Variants in UNC5B observed in about 807,000 individuals in gnomAD.
The protein encoded by UNC5B is unc-5 netrin receptor B, also known as netrin receptor UNC5B.
UNC5B carries 56 observed loss-of-function variants against 103.7 expected under a neutral mutation model. The observed-to-expected ratio is 0.54, with a 90% CI of 0.44 to 0.67. UNC5B has a LOEUF of 0.67. UNC5B is among the 30% of genes least tolerant of loss of function. The pLI, the probability that UNC5B is intolerant of heterozygous loss-of-function variation, is 0.00. For synonymous variants in UNC5B, 577 were observed against 542.0 expected (o/e 1.06, Z -0.90); for missense variants, 1,194 against 1,284.5 (o/e 0.93, Z 1.08).
chr10:71,253,962 A>G (rs1162784444), intron 1 of UNC5B, among the ~76,000 whole-genome samples: 1 of 151,850 alleles, frequency 6.6e-6, no homozygotes, highest in Admixed American at 6.6e-5. Context: ...TATCATGTCA[A>G]CTCCATCAAC....
intron 10 of UNC5B, 135 bp downstream of exon 10, chr10:71,291,956 G>A: frequency 7.5e-7 from 1 of 1,330,120 alleles, no homozygotes; most frequent in South Asian, 1.5e-5. Flanking sequence ...CTGAAGGCAG[G>A]AAGTGAGTAT....
Position 71,286,673 on chromosome 10 carries a change from A to AC in UNC5B, c.553-11dup, listed in dbSNP as rs1486013331. On this transcript the variant is annotated splice_polypyrimidine_tract_variant and intron_variant, in intron 4 of 16. Transcript: ENST00000335350. ...TGTCCTGGGCCCTCACTGCCCCCTC[A>AC]CCCCCACTCTTGCAGGTGGAATGGC... 1.2e-6 allele frequency: 2 copies of AC among 1,612,722 alleles called. No individual in the cohort carries two copies. The highest frequency in any genetic ancestry group is 1.7e-6 in the Non-Finnish European group (2 of 1,179,488).
intron 10 of UNC5B, among the ~76,000 whole-genome samples, chr10:71,292,246 T>C (rs989942197): frequency 2.0e-5 from 3 of 152,114 alleles, no homozygotes; most frequent in Non-Finnish European, 4.4e-5. Context: ...CCAGACACCA[T>C]AGCAATGTCA....
intron 1 of UNC5B, among the ~76,000 whole-genome samples, chr10:71,240,500 G>A (rs551208546): frequency 6.6e-6 from 1 of 152,368 alleles, no homozygotes; most frequent in African/African-American, 2.4e-5. Context: ...GGCCAGCAGG[G>A]TGGACACGGG....
intron 1 of UNC5B, among the ~76,000 whole-genome samples, chr10:71,248,867 T>TCACA (rs56852987): frequency 3.8e-4 from 10 of 26,604 alleles, no homozygotes; most frequent in East Asian, 3.4e-3. Flanking sequence ...TCTCTCTCTC[T>TCACA]CACACACACA....
At chr10:71,254,587 G>A in intron 1 of UNC5B, among the ~76,000 whole-genome samples, 1 of 152,270 alleles carries the variant, frequency 6.6e-6, no homozygotes, top group Middle Eastern at 3.4e-3. Context: ...AGGCTGGGTT[G>A]GGGGGAGGGA....
At chr10:71,267,862 A>G (rs1482609585) in intron 1 of UNC5B, among the ~76,000 whole-genome samples, 2 of 152,242 alleles carry the variant, frequency 1.3e-5, no homozygotes, top group Non-Finnish European at 2.9e-5. Context: ...CACTGGGACC[A>G]GAGAGGCAAA....
intron 1 of UNC5B, among the ~76,000 whole-genome samples, chr10:71,258,331 C>T (rs936347098): frequency 6.6e-6 from 1 of 152,208 alleles, no homozygotes; most frequent in Non-Finnish European, 1.5e-5. Context: ...TGTATTGCCT[C>T]AGGCTTGTCT....
intron 5 of UNC5B, 79 bp downstream of exon 5, chr10:71,286,948 G>T: frequency 2.6e-6 from 4 of 1,545,764 alleles, no homozygotes; most frequent in Non-Finnish European, 2.6e-6. Flanking sequence ...GGGACCCCTG[G>T]ATTGGTAGGG....
At chr10:71,232,760 T>C (rs1056011299) in intron 1 of UNC5B, among the ~76,000 whole-genome samples, 2 of 152,236 alleles carry the variant, frequency 1.3e-5, no homozygotes, top group Admixed American at 6.5e-5. Flanking sequence ...CAGTCCCCCA[T>C]GGCCATGCTG....
intron 1 of UNC5B, among the ~76,000 whole-genome samples, chr10:71,262,311 G>A (rs555691767): frequency 8.6e-4 from 131 of 152,122 alleles, no homozygotes; most frequent in Non-Finnish European, 1.4e-3. Flanking sequence ...GTCCGGGCTG[G>A]AGTGGGTTGG....
intron 1 of UNC5B, among the ~76,000 whole-genome samples, chr10:71,272,781 G>A (rs1844677201): frequency 1.3e-5 from 2 of 152,232 alleles, no homozygotes; most frequent in Non-Finnish European, 2.9e-5. Flanking sequence ...GATGGTGCCA[G>A]GCCAAGGAAA....
intron 1 of UNC5B, among the ~76,000 whole-genome samples, chr10:71,249,080 C>T (rs1359429970): frequency 6.6e-6 from 1 of 152,186 alleles, no homozygotes; most frequent in Non-Finnish European, 1.5e-5. Flanking sequence ...TCAGATGTCC[C>T]ATTCTGTGTC....
chr10:71,248,503 G>A (rs977302901), intron 1 of UNC5B, among the ~76,000 whole-genome samples: 2 of 152,140 alleles, frequency 1.3e-5, no homozygotes, highest in African/African-American at 2.4e-5. Flanking sequence ...ATTCCTGACA[G>A]CCTGTTGAAT....
chr10:71,288,503 GCACA>G, intron 6 of UNC5B, 61 bp from the exon 7 acceptor site: 1 of 1,566,022 alleles, frequency 6.4e-7, no homozygotes, highest in South Asian at 1.2e-5. Context: ...GCTCTGTTCT[GCACA>G]CATAACTATG....
intron 1 of UNC5B, among the ~76,000 whole-genome samples, chr10:71,240,272 A>C (rs1843869243): frequency 6.6e-6 from 1 of 152,230 alleles, no homozygotes; most frequent in South Asian, 2.1e-4. Context: ...TCCGGCCCAA[A>C]TCTGCATCCT....
chr10:71,237,554 G>A (rs1408344222), intron 1 of UNC5B, among the ~76,000 whole-genome samples: 2 of 152,050 alleles, frequency 1.3e-5, no homozygotes, highest in African/African-American at 2.4e-5. Context: ...GCAGTGAGAC[G>A]TCAATAAGTA....
At chr10:71,247,068 C>T (rs1051348946) in intron 1 of UNC5B, among the ~76,000 whole-genome samples, 11 of 152,198 alleles carry the variant, frequency 7.2e-5, no homozygotes, top group Admixed American at 5.9e-4. Flanking sequence ...GATTCCAGTG[C>T]AAACCAAATG....
In UNC5B at chr10:71,292,453, C is replaced by T. The variant is rs182988554; in HGVS notation, c.1685-14C>T. 7.5e-5 allele frequency: 118 copies of T among 1,580,714 alleles called. 1 individual carries two copies. The African/African-American group carries it at 1.3e-3, about 18-fold the overall frequency. On this transcript the variant is annotated splice_polypyrimidine_tract_variant and intron_variant, in intron 10 of 16. Coordinates refer to ENST00000335350, the MANE Select transcript of UNC5B (RefSeq NM_170744.5). ...AAGCTCCTGGACTCCCTGCTGACTT[C>T]CCTCTCCCCCTAGGGGTCAGCTTGC...
Sources: gnomAD v4.1 joint callset for allele counts (sites outside exome capture counted in the v4.1 genomes callset) on GRCh38, gnomAD v4.1.1 for gene constraint, MANE v1.5 for transcripts, NCBI Gene and HGNC (gene_info 2026-07-23, HGNC 2026-07-21) for gene names.